CELF4: variants seen among roughly 807,000 people sequenced by gnomAD.
CELF4 encodes the protein CUG-BP- and ETR-3-like factor 4.
In CELF4, 18 loss-of-function variants were observed where a neutral mutation model predicts 59.9. That is an observed-to-expected ratio of 0.30 (90% CI 0.21 to 0.45). The LOEUF (loss-of-function observed/expected upper bound fraction) is 0.45, where lower values mean the gene tolerates loss of function less well. Among genes scored for constraint, CELF4 ranks in the 20% least tolerant of loss-of-function variants. The probability of loss-of-function intolerance (pLI) is 1.00; values close to 1 mark genes in which losing one functional copy is unlikely to be tolerated. For missense variants in CELF4, 456 were observed against 689.0 expected, an observed-to-expected ratio of 0.66 and a Z score of 3.79; for synonymous variants, 261 against 267.1, an observed-to-expected ratio of 0.98 and a Z score of 0.22.
At chr18:37,536,936 C>A (rs902806820) in intron 1 of CELF4, among the ~76,000 whole-genome samples, 1 of 152,164 alleles carries the variant, frequency 6.6e-6, no homozygotes, top group Non-Finnish European at 1.5e-5. Flanking sequence ...ACTCACTTCA[C>A]AAGATTCCTA....
At chr18:37,376,668 C>A (rs544816088) in intron 2 of CELF4, among the ~76,000 whole-genome samples, 3 of 152,216 alleles carry the variant, frequency 2.0e-5, no homozygotes, top group East Asian at 1.9e-4. Context: ...TGGGGTCTGG[C>A]CTCACCTTGG....
intron 2 of CELF4, among the ~76,000 whole-genome samples, chr18:37,354,798 T>C (rs538032762): frequency 2.0e-5 from 3 of 152,294 alleles, no homozygotes; most frequent in East Asian, 3.9e-4. Flanking sequence ...CAAGGAGCCA[T>C]TGATGAACCT....
chr18:37,368,365 T>TGTGGCCTGTCAGCCCTC (rs2098814814), intron 2 of CELF4, among the ~76,000 whole-genome samples: 1 of 152,060 alleles, frequency 6.6e-6, no homozygotes, highest in Non-Finnish European at 1.5e-5. Flanking sequence ...CTTCAGCCCT[T>TGTGGCCTGTCAGCCCTC]GTTGCCTGTC....
At chr18:37,489,837 G>A (rs1209750354) in intron 1 of CELF4, among the ~76,000 whole-genome samples, 2 of 152,152 alleles carry the variant, frequency 1.3e-5, no homozygotes, top group African/African-American at 4.8e-5. Flanking sequence ...GAAGGTCTGT[G>A]GAGGGTGCCT....
At chr18:37,531,349 C>T (rs1017923732) in intron 1 of CELF4, among the ~76,000 whole-genome samples, 7 of 152,270 alleles carry the variant, frequency 4.6e-5, no homozygotes, top group East Asian at 3.9e-4. Flanking sequence ...CTGAGCTTGC[C>T]GCCCTGGAGT....
intron 1 of CELF4, among the ~76,000 whole-genome samples, chr18:37,517,944 G>C (rs561999681): frequency 2.6e-5 from 4 of 152,288 alleles, no homozygotes; most frequent in East Asian, 3.9e-4. Context: ...TGGTAGGGGG[G>C]CACCTATAAC....
At chr18:37,340,350 G>A (rs2097956242) in intron 2 of CELF4, among the ~76,000 whole-genome samples, 1 of 152,224 alleles carries the variant, frequency 6.6e-6, no homozygotes, top group Non-Finnish European at 1.5e-5. Context: ...TCCAGCAGGT[G>A]ATAATGTCAC....
intron 3 of CELF4, among the ~76,000 whole-genome samples, chr18:37,276,875 C>A (rs2093385451): frequency 6.6e-6 from 1 of 152,212 alleles, no homozygotes; most frequent in Non-Finnish European, 1.5e-5. Context: ...GCCAAAGCTG[C>A]AGAAATGCAG....
At chr18:37,444,615 CAT>C (rs1322288770) in intron 2 of CELF4, among the ~76,000 whole-genome samples, 2 of 110,186 alleles carry the variant, frequency 1.8e-5, no homozygotes, top group Non-Finnish European at 3.8e-5. Flanking sequence ...CTCTAGCATG[CAT>C]ACACACACAC....
chr18:37,402,918 C>T (rs79827339), intron 2 of CELF4, among the ~76,000 whole-genome samples: 3,032 of 152,304 alleles, frequency 0.02, 102 homozygotes, highest in African/African-American at 0.069. Context: ...TTCCTCTGCC[C>T]TCCCCACCCT....
chr18:37,492,872 A>G (rs2099910831), intron 1 of CELF4, among the ~76,000 whole-genome samples: 1 of 152,104 alleles, frequency 6.6e-6, no homozygotes, highest in Admixed American at 6.5e-5. Context: ...CTTGGGGCTC[A>G]GCAGGACTGA....
rs573414353 is a variant in CELF4 at position 37,438,704 on chromosome 18, C to T, written c.369+46821G>A. ...TCGTGTGGCTGTGGTTTCTTCACACCATCCAGTCATACAGCTGGCAATTAA... is the reference window on the plus strand; with the variant it reads ...TCGTGTGGCTGTGGTTTCTTCACACTATCCAGTCATACAGCTGGCAATTAA... On this transcript the variant is annotated intron_variant, in intron 2 of 12. Transcript: ENST00000420428. Among the ~76,000 whole-genome samples the T allele has an allele frequency of 1.2e-4, 18 of 152,282 alleles. No individual in the cohort carries two copies. In the South Asian group the frequency reaches 3.7e-3, roughly 32 times the overall value.
chr18:37,314,347 C>G (rs1374344441), intron 3 of CELF4, among the ~76,000 whole-genome samples: 1 of 152,096 alleles, frequency 6.6e-6, no homozygotes, highest in Admixed American at 6.6e-5. Flanking sequence ...CCCAGCTACT[C>G]TGGGGGCTGC....
rs977579415 is a variant in CELF4, at chr18:37,244,585, T to G, written c.*657A>C. Reference sequence around the variant, plus strand: ...TTTTGTTGTTTTTTTTGTTTTTTGTTTTTTTTTTAATTTTTTATTACATTT... The same window carrying G: ...TTTTGTTGTTTTTTTTGTTTTTTGTGTTTTTTTTAATTTTTTATTACATTT... On this transcript the variant is annotated 3_prime_UTR_variant, in exon 13 of 13. Coordinates refer to ENST00000420428, the MANE Select transcript of CELF4 (RefSeq NM_020180.4). The G allele has an allele frequency of 2.6e-5, 4 of 151,446 alleles. No individual in the cohort carries two copies. Among genetic ancestry groups the G allele is most frequent in the Non-Finnish European group, 5.9e-5 (4 of 67,848 alleles). The allele number at this position is 151,446 out of a possible 1,614,324, so 9.4% of individuals were successfully genotyped here.
chr18:37,441,273 CTGTGTGTGTG>C (rs36008798), intron 2 of CELF4, among the ~76,000 whole-genome samples: 1 of 143,330 alleles, frequency 7.0e-6, no homozygotes, highest in Non-Finnish European at 1.5e-5. Flanking sequence ...CTCAACAATG[CTGTGTGTGTG>C]TGTGTGTGTG....
At chr18:37,273,275 C>T in intron 6 of CELF4, 112 bp from the exon 7 acceptor site, 1 of 1,463,746 alleles carries the variant, frequency 6.8e-7, no homozygotes, top group Non-Finnish European at 9.1e-7. Context: ...CCAGAAGCTC[C>T]CAACTACCAC....
At chr18:37,273,317 G>A in intron 6 of CELF4, 154 bp from the exon 7 acceptor site, 1 of 1,431,022 alleles carries the variant, frequency 7.0e-7, no homozygotes. Flanking sequence ...TCCCATTCTT[G>A]CCCTGTACCT....
At position 37,254,742 on chromosome 18, in the gene CELF4, C is replaced by T. The variant is rs2068086898; in HGVS notation, c.1334-804G>A. Among the ~76,000 whole-genome samples the T allele has an allele frequency of 6.6e-6, 1 of 152,256 alleles. No individual in the cohort carries two copies. The highest frequency in any genetic ancestry group is 2.1e-4 in the South Asian group (1 of 4,838). Reference sequence around the variant, plus strand: ...GCTTCCCACGCGTTCACTCCTGTGCCCAGATGGCATGCAGAACCTTGCGGC... The same window carrying T: ...GCTTCCCACGCGTTCACTCCTGTGCTCAGATGGCATGCAGAACCTTGCGGC... On this transcript the variant is annotated intron_variant, in intron 11 of 12. Transcript: ENST00000420428. The surrounding 1 kb of genome is among the most constrained non-coding windows in gnomAD (Gnocchi z 5.1).
chr18:37,271,104 A>C (rs944067213), intron 7 of CELF4, among the ~76,000 whole-genome samples, 187 bp from the exon 8 acceptor site: 2 of 152,168 alleles, frequency 1.3e-5, no homozygotes, highest in African/African-American at 2.4e-5. Context: ...AAGTGACTTC[A>C]CCTATCCCAA....
Sources: allele counts gnomAD v4.1 joint callset (sites outside exome capture counted in the v4.1 genomes callset), GRCh38; gene constraint gnomAD v4.1.1; non-coding constraint Gnocchi (gnomAD v3.1); transcripts MANE v1.5; gene names NCBI Gene and HGNC (gene_info 2026-07-23, HGNC 2026-07-21).